Variants in CHD1 observed in about 807,000 individuals in gnomAD.
CHD1 encodes chromodomain helicase DNA binding protein 1, also known as ATP-dependent chromatin remodeler CHD1.
A neutral mutation model predicts 224.2 loss-of-function variants in CHD1; 36 were observed. The observed-to-expected ratio is 0.16, with a 90% CI of 0.12 to 0.21. CHD1 has a LOEUF of 0.21. Ranked by LOEUF, CHD1 falls within the 10% of genes least tolerant of loss-of-function variation. The probability of loss-of-function intolerance (pLI) is 1.00; values close to 1 mark genes in which losing one functional copy is unlikely to be tolerated. For synonymous variants in CHD1, 668 were observed against 658.3 expected (o/e 1.01, Z -0.23); for missense variants, 1,378 against 1,994.8 (o/e 0.69, Z 5.89).
chr5:98,928,909 T>C lies in CHD1; in HGVS notation c.-519A>G. On this transcript the variant is annotated 5_prime_UTR_variant, in exon 1 of 36. Transcript: ENST00000614616. ...GAGAAAGCAAGCGAGCGCAACCGTC[T>C]CCGTCGTAGCCGCCGCCGCCACCGA... The C allele has an allele frequency of 6.6e-6, 1 of 151,518 alleles. No homozygotes were observed. The highest frequency in any genetic ancestry group is 1.5e-5 in the Non-Finnish European group (1 of 68,210). The allele number at this position is 151,518 out of a possible 1,614,324, so 9.4% of individuals were successfully genotyped here.
intron 2 of CHD1, among the ~76,000 whole-genome samples, chr5:98,921,987 T>C (rs1753127313): frequency 6.6e-6 from 1 of 152,106 alleles, no homozygotes; most frequent in Non-Finnish European, 1.5e-5. Context: ...ATCCCATCTT[T>C]ACTAAAAATA....
intron 11 of CHD1, among the ~76,000 whole-genome samples, 176 bp downstream of exon 11, chr5:98,897,017 C>T (rs763408588): frequency 6.6e-6 from 1 of 152,152 alleles, no homozygotes; most frequent in Non-Finnish European, 1.5e-5. Context: ...TCCAACTCCA[C>T]TGGATTTTCT....
Position 98,897,259 on chromosome 5 carries a change from T to C in CHD1, c.1427A>G (p.His476Arg), listed in dbSNP as rs1196924975. Reference sequence around the variant, plus strand: ...ATAATCTCTTAATTCTAAGCCCTCATGTCCTCCAATATAGGATGGCTGCTT... The same window carrying C: ...ATAATCTCTTAATTCTAAGCCCTCACGTCCTCCAATATAGGATGGCTGCTT... The part of the protein sequence containing the change: ...LKKQPSYIGG[H>R]EGLELRDYQL... The change falls in exon 11 of 36, where the codon CAT becomes CGT. Residue 476 changes from histidine to arginine, a missense_variant. This residue lies in a region of CHD1 where 86 missense variants were observed against 97.7 expected (regional missense o/e 0.88). Coordinates refer to ENST00000614616, the MANE Select transcript of CHD1 (RefSeq NM_001270.4). 46 of 1,612,368 alleles carry C rather than the reference T, an allele frequency of 2.9e-5. No homozygotes were observed. The Admixed American group carries it at 5.5e-4, about 19-fold the overall frequency.
rs764144932 is a variant in CHD1 at position 98,869,803 on chromosome 5, C to T, written c.4058G>A (p.Ser1353Asn). The T allele has an allele frequency of 1.2e-6, 2 of 1,612,564 alleles. No homozygotes were observed. The highest frequency in any genetic ancestry group is 1.7e-5 in the Admixed American group (1 of 60,012). ...CTCTGAAGGCAGAGGAGAAGAATCA[C>T]TCTTTATTTCCTCTTTCACTTTTAT... ...KSIKVKEEIK[S>N]DSSPLPSEKS... Residue 1353 changes from serine (S) to asparagine (N), a missense_variant, in exon 30 of 36, where the codon AGT (serine) becomes AAT (asparagine). Around this residue, in one of 16 missense-constraint regions of CHD1, gnomAD observed 105 missense variants for 93.4 expected, o/e 1.12. Transcript: ENST00000614616.
Position 98,855,359 on chromosome 5 carries a change from C to CA in CHD1, c.*1020dup, listed in dbSNP as rs918217598. 1.3e-5 allele frequency: 2 copies of CA among 152,470 alleles called. No homozygotes were observed. The highest frequency in any genetic ancestry group is 2.9e-5 in the Non-Finnish European group (2 of 67,982). 9.4% of individuals were successfully genotyped at this position (152,470 alleles called of 1,614,324 possible). ...TTATTGCCCACATAAAACGGGAAAA[C>CA]AAACGGATTTACAATAACTTTTGGC... On this transcript the variant is annotated 3_prime_UTR_variant, in exon 36 of 36. Coordinates refer to ENST00000614616, the MANE Select transcript of CHD1 (RefSeq NM_001270.4).
At chr5:98,910,152 T>C (rs1323950088) in intron 2 of CHD1, among the ~76,000 whole-genome samples, 2 of 152,182 alleles carry the variant, frequency 1.3e-5, no homozygotes, top group Non-Finnish European at 2.9e-5. Flanking sequence ...GAAACTACAT[T>C]AAGAATTCAT....
Position 98,858,303 on chromosome 5 carries a change from T to C in CHD1, c.4664A>G (p.Asp1555Gly), listed in dbSNP as rs1436378647. The C allele has an allele frequency of 1.9e-6, 3 of 1,613,156 alleles. No homozygotes were observed. The highest frequency in any genetic ancestry group is 1.7e-6 in the Non-Finnish European group (2 of 1,179,320). Residue 1555 changes from aspartate (D) to glycine (G), a missense_variant, in exon 35 of 36, where the codon GAT (aspartate) becomes GGT (glycine). By Grantham distance (94) the Asp-to-Gly change is moderately conservative (BLOSUM62 -1). Around this residue, in one of 16 missense-constraint regions of CHD1, gnomAD observed 278 missense variants for 298.5 expected, o/e 0.93. Coordinates refer to ENST00000614616, the MANE Select transcript of CHD1 (RefSeq NM_001270.4). The part of the protein sequence containing the change: ...SSDRHLTQYH[D>G]HHKDRHQGDS... Reference sequence around the variant, plus strand: ...TCCCTGATGTCGGTCTTTATGATGATCATGGTACTGAGTTAAGTGTCTATC... The same window carrying C: ...TCCCTGATGTCGGTCTTTATGATGACCATGGTACTGAGTTAAGTGTCTATC...
At chr5:98,874,770 C>T (rs58768400) in intron 25 of CHD1, among the ~76,000 whole-genome samples, 241 of 151,144 alleles carry the variant, frequency 1.6e-3, no homozygotes, top group African/African-American at 5.5e-3. Flanking sequence ...TAAATCTGCT[C>T]GTGCTACTTT....
intron 27 of CHD1, 108 bp from the exon 28 acceptor site, chr5:98,872,309 T>C (rs1749411295): frequency 3.4e-6 from 5 of 1,470,902 alleles, no homozygotes; most frequent in Non-Finnish European, 4.6e-6. Context: ...GCTTTATTTC[T>C]TCCTTTTTTT....
intron 1 of CHD1, among the ~76,000 whole-genome samples, chr5:98,926,894 GATA>G (rs1753496265): frequency 8.3e-6 from 1 of 119,790 alleles, no homozygotes; most frequent in African/African-American, 3.2e-5. Flanking sequence ...AGTCTTATTA[GATA>G]ACTTGGTCGA....
At chr5:98,912,102 AT>A (rs1367088654) in intron 2 of CHD1, among the ~76,000 whole-genome samples, 1 of 152,188 alleles carries the variant, frequency 6.6e-6, no homozygotes, top group Non-Finnish European at 1.5e-5. Context: ...AAGAGGTGTG[AT>A]TTCTGCAACC....
chr5:98,862,634 G>A (rs1197416275), intron 32 of CHD1, among the ~76,000 whole-genome samples: 1 of 151,968 alleles, frequency 6.6e-6, no homozygotes, highest in Non-Finnish European at 1.5e-5. Context: ...ATTTCAATAA[G>A]ATGTTCCTTA....
chr5:98,868,592 G>A lies in CHD1; in HGVS notation c.4151C>T (p.Ser1384Phe). 6.2e-7 allele frequency: 1 copy of A among 1,607,614 alleles called. No homozygotes were observed. Among genetic ancestry groups the A allele is most frequent in the Non-Finnish European group, 8.5e-7 (1 of 1,178,112 alleles). Residue 1384 changes from serine (S) to phenylalanine (F), a missense_variant, in exon 31 of 36, where the codon TCT becomes TTT. By Grantham distance (155) the Ser-to-Phe change is radical (BLOSUM62 -2). This residue lies in a region of CHD1 where 105 missense variants were observed against 93.4 expected (regional missense o/e 1.12). Coordinates refer to ENST00000614616, the MANE Select transcript of CHD1 (RefSeq NM_001270.4). ...ATGAACTGGAGCATCTGACACTGAA[G>A]ATTTCTTGGATCTTTCCCTACCATC... ...KSDGRERSKK[S>F]SVSDAPVHIT...
chr5:98,879,240 A>AAAAAG (rs368644857), intron 23 of CHD1, among the ~76,000 whole-genome samples: 27 of 152,216 alleles, frequency 1.8e-4, no homozygotes, highest in Non-Finnish European at 2.2e-4. Flanking sequence ...TCACCAAAGA[A>AAAAAG]AAAAGAAAAG....
intron 1 of CHD1, among the ~76,000 whole-genome samples, chr5:98,927,150 G>A (rs1034177652): frequency 2.6e-5 from 4 of 152,074 alleles, no homozygotes; most frequent in African/African-American, 9.7e-5. Context: ...GTTTGCACTT[G>A]GTTTTTATTT....
At chr5:98,880,413 T>C (rs1398065853) in intron 22 of CHD1, among the ~76,000 whole-genome samples, 4 of 152,072 alleles carry the variant, frequency 2.6e-5, no homozygotes, top group Non-Finnish European at 5.9e-5. Flanking sequence ...ATTATAAAAG[T>C]TTTTTATTCA....
chr5:98,876,633 G>T, intron 23 of CHD1, 75 bp from the exon 24 acceptor site: 2 of 1,267,384 alleles, frequency 1.6e-6, no homozygotes, highest in South Asian at 2.7e-5. Flanking sequence ...CATTATAAAA[G>T]ATGGTCGGAA....
In CHD1 at chr5:98,917,299, C is replaced by CCAAAAAAAAA. The variant is rs775841258; in HGVS notation, c.53+9034_53+9035insTTTTTTTTTG. ...GCCCATCCCTCCAAAAACAAAGAAACAAAAAAAAAAAACAACCTCTTAATT... is the reference window on the plus strand; with the variant it reads ...GCCCATCCCTCCAAAAACAAAGAAACCAAAAAAAAAAAAAAAAAAAAACAACCTCTTAATT... On this transcript the variant is annotated intron_variant, in intron 2 of 35. Transcript: ENST00000614616. 7.6e-4 allele frequency among the ~76,000 whole-genome samples: 91 copies of CCAAAAAAAAA among 119,844 alleles called. 2 individuals are homozygous for CCAAAAAAAAA. The East Asian group carries it at 0.015, about 20-fold the overall frequency. The allele number at this position is 119,844 out of a possible 152,430, so 78.6% of individuals were successfully genotyped here.
chr5:98,868,866 C>T, intron 30 of CHD1: 1 of 495,770 alleles, frequency 2.0e-6, no homozygotes, highest in Non-Finnish European at 3.1e-6. Flanking sequence ...GTGTTCAGAC[C>T]TACTATTCTC....
Sources: allele counts gnomAD v4.1 joint callset (sites outside exome capture counted in the v4.1 genomes callset), GRCh38; gene constraint gnomAD v4.1.1; regional missense constraint gnomAD v4.1.1; transcripts MANE v1.5; gene names NCBI Gene and HGNC (gene_info 2026-07-23, HGNC 2026-07-21).